PPP1R42: variants seen among roughly 807,000 people sequenced by gnomAD.
PPP1R42 encodes the protein protein phosphatase 1 regulatory subunit 42, also known as leucine rich repeat containing 67.
Under a neutral mutation model 31.0 loss-of-function variants are expected in PPP1R42, and 34 were observed. That is an observed-to-expected ratio of 1.10 (90% confidence interval 0.83 to 1.46). The LOEUF (loss-of-function observed/expected upper bound fraction) is 1.46, where lower values mean the gene tolerates loss of function less well. Ranked by LOEUF, PPP1R42 falls within the 40% of genes most tolerant of loss-of-function variation. The pLI is 0.00. For missense variants in PPP1R42, 268 were observed against 303.0 expected, an observed-to-expected ratio of 0.88 and a Z score of 0.86; for synonymous variants, 103 against 109.8, an observed-to-expected ratio of 0.94 and a Z score of 0.39.
At position 66,974,309 on chromosome 8, in the gene PPP1R42, G is replaced by T. The variant is rs150755225; in HGVS notation, c.802+7740C>A. The stretch of plus-strand genomic sequence containing the variant: ...ATGGCTTATGTCTGTAATACCAGCA[G>T]TTTGGGGGGCTGAGGCAGGTGGATC... On this transcript the variant is annotated intron_variant, in intron 7 of 7. Transcript: ENST00000685739. 1.2e-4 allele frequency among the ~76,000 whole-genome samples: 19 copies of T among 152,228 alleles called. No homozygotes were observed. In the East Asian group the frequency reaches 3.7e-3, roughly 29 times the overall value.
chr8:66,990,484 C>T (rs1224805019), intron 5 of PPP1R42, among the ~76,000 whole-genome samples: 1 of 152,204 alleles, frequency 6.6e-6, no homozygotes, highest in African/African-American at 2.4e-5. Flanking sequence ...CTTTCACTTT[C>T]CTGCTCTTCA....
intron 5 of PPP1R42, among the ~76,000 whole-genome samples, chr8:66,998,788 A>G (rs1288626619): frequency 6.6e-6 from 1 of 152,200 alleles, no homozygotes; most frequent in Non-Finnish European, 1.5e-5. Flanking sequence ...TTGTGCATCT[A>G]TTGAGATGAT....
intron 7 of PPP1R42, 129 bp downstream of exon 7, chr8:66,981,919 TA>T: frequency 1.0e-6 from 1 of 1,002,498 alleles, no homozygotes; most frequent in African/African-American, 1.7e-5. Context: ...AAATAAGTTT[TA>T]AAAAACCCCA....
chr8:66,986,037 A>G (rs1339233636), intron 6 of PPP1R42: 1 of 748,114 alleles, frequency 1.3e-6, no homozygotes, highest in Non-Finnish European at 2.5e-6. Flanking sequence ...CAGTTTGTCC[A>G]CAAATCGGGG....
intron 5 of PPP1R42, among the ~76,000 whole-genome samples, chr8:66,994,025 C>A (rs938960105): frequency 6.6e-6 from 1 of 152,162 alleles, no homozygotes; most frequent in Admixed American, 6.6e-5. Flanking sequence ...CCTCCTCTAT[C>A]CCTTCTCTCC....
intron 2 of PPP1R42, among the ~76,000 whole-genome samples, chr8:67,015,954 T>C (rs1816005390): frequency 6.6e-6 from 1 of 152,236 alleles, no homozygotes; most frequent in African/African-American, 2.4e-5. Context: ...TTTGCCTTCC[T>C]TCTAACAAAG....
At chr8:67,015,520 T>G (rs574278600) in intron 2 of PPP1R42, among the ~76,000 whole-genome samples, 1 of 152,070 alleles carries the variant, frequency 6.6e-6, no homozygotes, top group African/African-American at 2.4e-5. Flanking sequence ...ATTACCTAAA[T>G]ATTAAAAGTG....
intron 5 of PPP1R42, among the ~76,000 whole-genome samples, chr8:66,999,640 G>A (rs1815427952): frequency 6.6e-6 from 1 of 152,214 alleles, no homozygotes; most frequent in Non-Finnish European, 1.5e-5. Flanking sequence ...ATGAGCCACT[G>A]CACCTGGCCT....
chr8:66,973,672 T>C (rs1814596842), intron 7 of PPP1R42, among the ~76,000 whole-genome samples: 1 of 152,176 alleles, frequency 6.6e-6, no homozygotes, highest in Admixed American at 6.5e-5. Context: ...AGGTACAATA[T>C]CGTATAGTAG....
intron 6 of PPP1R42, chr8:66,986,187 C>A: frequency 1.7e-6 from 1 of 590,472 alleles, no homozygotes. Flanking sequence ...TCTCACCCAC[C>A]TTGGAGCCTC....
At chr8:67,022,636 C>T (rs1816257313) in intron 1 of PPP1R42, among the ~76,000 whole-genome samples, 1 of 151,964 alleles carries the variant, frequency 6.6e-6, no homozygotes, top group African/African-American at 2.4e-5. Context: ...ATATATTCTT[C>T]TGAACATGTT....
intron 2 of PPP1R42, among the ~76,000 whole-genome samples, chr8:67,016,613 T>A (rs1816023976): frequency 6.6e-6 from 1 of 152,252 alleles, no homozygotes; most frequent in African/African-American, 2.4e-5. Context: ...AACTCTTTTT[T>A]TCTTGTGTGA....
At chr8:66,971,451 A>T (rs955764198) in intron 7 of PPP1R42, among the ~76,000 whole-genome samples, 1 of 152,192 alleles carries the variant, frequency 6.6e-6, no homozygotes, top group Non-Finnish European at 1.5e-5. Flanking sequence ...TGTAGGGAGT[A>T]AATTAATCGT....
chr8:66,996,695 A>T (rs1166698355), intron 5 of PPP1R42, among the ~76,000 whole-genome samples: 2 of 152,118 alleles, frequency 1.3e-5, no homozygotes, highest in Non-Finnish European at 2.9e-5. Flanking sequence ...AGAAATCTTT[A>T]TATTTTTTCT....
Position 66,997,086 on chromosome 8 carries a change from G to A in PPP1R42, c.553-8569C>T, listed in dbSNP as rs185405209. ...AAGAATTGCTTGAACCCAGGAGGCGGAGGTTGCAGTGAGCTGAGATTGTGC... is the reference window on the plus strand; with the variant it reads ...AAGAATTGCTTGAACCCAGGAGGCGAAGGTTGCAGTGAGCTGAGATTGTGC... On this transcript the variant is annotated intron_variant, in intron 5 of 7. Coordinates refer to ENST00000685739, the MANE Select transcript of PPP1R42 (RefSeq NM_001364910.1). Among the ~76,000 whole-genome samples, 180 of 152,312 alleles carry A rather than the reference G, an allele frequency of 1.2e-3. 3 individuals are homozygous for A. The South Asian group carries it at 0.017, about 14-fold the overall frequency.
intron 7 of PPP1R42, among the ~76,000 whole-genome samples, chr8:66,977,012 A>G (rs981704578): frequency 6.9e-6 from 1 of 145,634 alleles, no homozygotes; most frequent in African/African-American, 2.5e-5. Context: ...GTAGTGTTCT[A>G]TTTGTAGGTT....
At position 66,988,195 on chromosome 8, in the gene PPP1R42, C is replaced by T. The variant is rs149822013; in HGVS notation, c.670+205G>A. 3.3e-5 allele frequency: 39 copies of T among 1,196,556 alleles called. No homozygotes were observed. The East Asian group carries it at 1.5e-3, about 45-fold the overall frequency. The allele number at this position is 1,196,556 out of a possible 1,614,324, so 74.1% of individuals were successfully genotyped here. The stretch of plus-strand genomic sequence containing the variant: ...CTCCTTAAGGAATAAGTATCAGGTG[C>T]TTTAATTACTTCTGAACAGCAGATG... On this transcript the variant is annotated intron_variant, in intron 6 of 7. Coordinates refer to ENST00000685739, the MANE Select transcript of PPP1R42 (RefSeq NM_001364910.1).
At chr8:66,997,205 C>G (rs924453271) in intron 5 of PPP1R42, among the ~76,000 whole-genome samples, 14 of 152,172 alleles carry the variant, frequency 9.2e-5, no homozygotes, top group African/African-American at 3.4e-4. Flanking sequence ...TTTCCTTAAT[C>G]TTCATGGCCA....
At chr8:66,990,948 G>A (rs1815172148) in intron 5 of PPP1R42, among the ~76,000 whole-genome samples, 1 of 152,170 alleles carries the variant, frequency 6.6e-6, no homozygotes, top group South Asian at 2.1e-4. Flanking sequence ...ACAGGCCGTA[G>A]AAGTTTGTTC....
Sources: gnomAD v4.1 joint callset for allele counts (sites outside exome capture counted in the v4.1 genomes callset) on GRCh38, gnomAD v4.1.1 for gene constraint, MANE v1.5 for transcripts, NCBI Gene and HGNC (gene_info 2026-07-23, HGNC 2026-07-21) for gene names.